The following JAG2 variants were observed in gnomAD, a reference collection of about 807,000 sequenced individuals.
The protein encoded by JAG2 is protein jagged-2.
A neutral mutation model predicts 141.7 loss-of-function variants in JAG2; 46 were observed. The observed-to-expected ratio is 0.32, with a 90% CI of 0.26 to 0.42. JAG2 has a LOEUF of 0.42. Among genes scored for constraint, JAG2 ranks in the 10% least tolerant of loss-of-function variants. The pLI is 1.00. For synonymous variants in JAG2, 862 were observed against 763.5 expected, an observed-to-expected ratio of 1.13 and a Z score of -2.13; for missense variants, 1,500 against 1,817.5, an observed-to-expected ratio of 0.83 and a Z score of 3.18.
At position 105,147,503 on chromosome 14, in the gene JAG2, G is replaced by A. The variant is rs1334001012; in HGVS notation, c.2390C>T (p.Pro797Leu). ...TGGCCCCCAGGGTGCCACTCACCAA[G>A]GCAGAGGGTTGCAGTCGTTGGTATC... ...THNTNDCNPL[P>L]CYNGGICVDG... The change falls in exon 19 of 26, where the codon CCT becomes CTT. Residue 797 changes from proline to leucine, a missense_variant. Pro to Leu is a moderately conservative substitution (Grantham distance 98, BLOSUM62 -3). Around this residue, in one of 3 missense-constraint regions of JAG2, gnomAD observed 875 missense variants for 1,202.2 expected, o/e 0.73. Coordinates refer to ENST00000331782, the MANE Select transcript of JAG2 (RefSeq NM_002226.5). 1 of 1,612,080 alleles carries A rather than the reference G, an allele frequency of 6.2e-7. No homozygotes were observed. The highest frequency in any genetic ancestry group is 2.2e-5 in the East Asian group (1 of 44,898).
At chr14:105,165,366 G>C (rs1888877991) in intron 2 of JAG2, among the ~76,000 whole-genome samples, 1 of 152,230 alleles carries the variant, frequency 6.6e-6, no homozygotes, top group Non-Finnish European at 1.5e-5. Context: ...GCAGCTGGGA[G>C]AATGTGGCCT....
At chr14:105,157,857 G>A (rs587691329) in intron 2 of JAG2, 94 bp from the exon 3 acceptor site, 2 of 1,156,312 alleles carry the variant, frequency 1.7e-6, no homozygotes, top group African/African-American at 1.5e-5. Context: ...CGCTGCCCCT[G>A]GGTCTGCCAG....
rs587647951 is a variant in JAG2 at position 105,142,898 on chromosome 14, C to A, written c.3514G>T (p.Ala1172Ser). Residue 1172 changes from alanine (A) to serine (S), a missense_variant, in exon 26 of 26, where the codon GCG (alanine) becomes TCG (serine). Physicochemically the swap from Ala to Ser is moderately conservative, Grantham distance 99. Transcript: ENST00000331782. ...DEALPGPAGH[A>S]AVREDEEDED... The stretch of plus-strand genomic sequence containing the variant: ...TCCTCCTCATCCTCCCTGACGGCCG[C>A]GTGGCCGGCCGGCCCGGGCAGCGCC... The A allele has an allele frequency of 3.1e-6, 5 of 1,600,686 alleles. No homozygotes were observed. Among genetic ancestry groups the A allele is most frequent in the African/African-American group, 2.7e-5 (2 of 74,800 alleles).
intron 3 of JAG2, among the ~76,000 whole-genome samples, chr14:105,156,876 G>A (rs1392010716): frequency 6.6e-6 from 1 of 151,954 alleles, no homozygotes; most frequent in African/African-American, 2.4e-5. Flanking sequence ...GCCCTGAGCC[G>A]CTGGGGTCCC....
rs771736318 is a variant in JAG2, at chr14:105,147,345, C to G, written c.2460G>C (p.Ala820=). 13 of 1,564,958 alleles carry G rather than the reference C, an allele frequency of 8.3e-6. No individual in the cohort carries two copies. The highest frequency in any genetic ancestry group is 1.0e-5 in the Non-Finnish European group (12 of 1,155,232). Residue 820 remains alanine, a synonymous_variant, in exon 20 of 26, where the codon GCG becomes GCC. Coordinates refer to ENST00000331782, the MANE Select transcript of JAG2 (RefSeq NM_002226.5). Reference sequence around the variant, plus strand: ...ACTCACTGATGCGGCAGTCAGGCCCCGCGAAGCCAGGTGCACACTCGCAGC... The same window carrying G: ...ACTCACTGATGCGGCAGTCAGGCCCGGCGAAGCCAGGTGCACACTCGCAGC... The part of the protein sequence containing the change: ...WFRCECAPGF[A]GPDCRINIDE...
Position 105,143,019 on chromosome 14 carries a change from G to C in JAG2, c.3393C>G (p.Leu1131=). The C allele has an allele frequency of 6.2e-7, 1 of 1,606,416 alleles. No homozygotes were observed. Among genetic ancestry groups the C allele is most frequent in the Non-Finnish European group, 8.5e-7 (1 of 1,179,656 alleles). Residue 1131 remains leucine (L), a synonymous_variant, in exon 26 of 26, where the codon CTC becomes CTG. Coordinates refer to ENST00000331782, the MANE Select transcript of JAG2 (RefSeq NM_002226.5). ...EESANNQWAP[L]NPIRNPIERP... is the part of the protein sequence containing the mutation. Reference sequence around the variant, plus strand: ...GCTCAATGGGGTTGCGGATGGGGTTGAGCGGGGCCCACTGGTTGTTGGCGC... The same window carrying C: ...GCTCAATGGGGTTGCGGATGGGGTTCAGCGGGGCCCACTGGTTGTTGGCGC...
chr14:105,163,503 C>G (rs1434265858), intron 2 of JAG2, among the ~76,000 whole-genome samples: 2 of 152,230 alleles, frequency 1.3e-5, no homozygotes, highest in Non-Finnish European at 2.9e-5. Flanking sequence ...CAACTGATGC[C>G]AGCCACACCC....
Position 105,142,578 on chromosome 14 carries a change from T to C in JAG2, c.*117A>G. The C allele has an allele frequency of 1.4e-6, 1 of 719,328 alleles. No individual in the cohort carries two copies. Among genetic ancestry groups the C allele is most frequent in the South Asian group, 1.8e-5 (1 of 55,232 alleles). The allele number at this position is 719,328 out of a possible 1,614,324, so 44.6% of individuals were successfully genotyped here. A position where few individuals can be genotyped will look rare whatever the true frequency, so the allele number is the denominator to read the frequency against. On this transcript the variant is annotated 3_prime_UTR_variant, in exon 26 of 26. Coordinates refer to ENST00000331782, the MANE Select transcript of JAG2 (RefSeq NM_002226.5). Reference sequence around the variant, plus strand: ...GAAAATAAACATTTGGTTTTTGTTTTTGGTGGTTTTTTTACACAAAATAAA... The same window carrying C: ...GAAAATAAACATTTGGTTTTTGTTTCTGGTGGTTTTTTTACACAAAATAAA...
Position 105,146,709 on chromosome 14 carries a change from T to C in JAG2, c.2495A>G (p.Gln832Arg), listed in dbSNP as rs766900929. The part of the protein sequence containing the change: ...PDCRINIDEC[Q>R]SSPCAYGATC... ...GGCCCCGTAGGCACAGGGCGAGGAC[T>C]GGCACTCGTCGATGTCTGCAGGGAG... Residue 832 changes from glutamine to arginine, a missense_variant, in exon 21 of 26, where the codon CAG (glutamine) becomes CGG (arginine). Physicochemically the swap from Gln to Arg is conservative, Grantham distance 43 (BLOSUM62 1). Coordinates refer to ENST00000331782, the MANE Select transcript of JAG2 (RefSeq NM_002226.5). The C allele has an allele frequency of 8.1e-6, 13 of 1,612,296 alleles. No homozygotes were observed. In the African/African-American group the frequency reaches 1.6e-4, roughly 20 times the overall value.
chr14:105,145,152 C>T, intron 23 of JAG2, 91 bp from the exon 24 acceptor site: 2 of 1,537,676 alleles, frequency 1.3e-6, no homozygotes, highest in African/African-American at 1.4e-5. Context: ...ACGTGGGACA[C>T]ACCCTACAGC....
Position 105,146,467 on chromosome 14 carries a change from C to G in JAG2, c.2627G>C (p.Gly876Ala). 6.2e-7 allele frequency: 1 copy of G among 1,612,782 alleles called. No individual in the cohort carries two copies. Among genetic ancestry groups the G allele is most frequent in the Non-Finnish European group, 8.5e-7 (1 of 1,179,904 alleles). ...IGFGRSCWSR[G>A]TPFPHGSSWV... ...GGAGCTTCCGTGTGGGAACGGAGTGCCCCGGGACCAGCAGGATCTCCCGAA... is the reference window on the plus strand; with the variant it reads ...GGAGCTTCCGTGTGGGAACGGAGTGGCCCGGGACCAGCAGGATCTCCCGAA... Residue 876 changes from glycine (G) to alanine (A), a missense_variant, in exon 22 of 26, where the codon GGC (glycine) becomes GCC (alanine). Physicochemically the swap from Gly to Ala is moderately conservative, Grantham distance 60. Around this residue, in one of 3 missense-constraint regions of JAG2, gnomAD observed 875 missense variants for 1,202.2 expected, o/e 0.73. Transcript: ENST00000331782.
chr14:105,147,939 C>T (rs866803115), intron 17 of JAG2, 51 bp from the exon 18 acceptor site: 1 of 1,431,986 alleles, frequency 7.0e-7, no homozygotes, highest in South Asian at 1.2e-5. Context: ...TGGGCTGGCC[C>T]TGGGTCTCCA....
In JAG2 at chr14:105,142,872, GTCC is replaced by G. The variant is rs773270984; in HGVS notation, c.3537_3539del (p.Glu1179del). 1.2e-6 allele frequency: 2 copies of G among 1,606,516 alleles called. No individual in the cohort carries two copies. Among genetic ancestry groups the G allele is most frequent in the Non-Finnish European group, 8.5e-7 (1 of 1,176,924 alleles). Reference sequence around the variant, plus strand: ...CCTCCTCACCGCGGCCCAGATCCTCGTCCTCCTCATCCTCCCTGACGGCCGCGT... The same window carrying G: ...CCTCCTCACCGCGGCCCAGATCCTCGTCCTCATCCTCCCTGACGGCCGCGT... On this transcript the variant is annotated inframe_deletion, in exon 26 of 26. Coordinates refer to ENST00000331782, the MANE Select transcript of JAG2 (RefSeq NM_002226.5).
Position 105,150,988 on chromosome 14 carries a change from G to T in JAG2, c.1381+3C>A. The T allele has an allele frequency of 6.2e-7, 1 of 1,611,630 alleles. No homozygotes were observed. The highest frequency in any genetic ancestry group is 1.1e-5 in the South Asian group (1 of 90,716). Reference sequence around the variant, plus strand: ...CCCGCCGGCGCCCACCCCCCATACTGACTGATATGGCAGTTGATGCCCTTC... The same window carrying T: ...CCCGCCGGCGCCCACCCCCCATACTTACTGATATGGCAGTTGATGCCCTTC... On this transcript the variant is annotated splice_donor_region_variant and intron_variant, in intron 10 of 25. Transcript: ENST00000331782.
chr14:105,166,974 CA>C (rs1888931459), intron 2 of JAG2, among the ~76,000 whole-genome samples: 1 of 152,152 alleles, frequency 6.6e-6, no homozygotes, highest in Non-Finnish European at 1.5e-5. Flanking sequence ...GCCCACCTAC[CA>C]CTACCCACCT....
chr14:105,151,867 G>A, intron 7 of JAG2, 71 bp downstream of exon 7: 1 of 1,610,378 alleles, frequency 6.2e-7, no homozygotes, highest in African/African-American at 1.3e-5. Context: ...CCAGAGGGAT[G>A]GGGCCTGACC....
In JAG2 at chr14:105,159,770, A is replaced by C. The variant is rs148384669; in HGVS notation, c.418-2007T>G. Among the ~76,000 whole-genome samples the C allele has an allele frequency of 7.5e-3, 291 of 38,746 alleles. 10 individuals carry two copies. Among genetic ancestry groups the C allele is most frequent in the African/African-American group, 0.034 (259 of 7,542 alleles). The allele number at this position is 38,746 out of a possible 152,430, so 25.4% of individuals were successfully genotyped here. On this transcript the variant is annotated intron_variant, in intron 2 of 25. Coordinates refer to ENST00000331782, the MANE Select transcript of JAG2 (RefSeq NM_002226.5). ...CCCAGGGCTCCATCCACACCCCCCC[A>C]GAGTTCCATCCACACACCCCAACAT...
At position 105,150,753 on chromosome 14, in the gene JAG2, C is replaced by T; in HGVS notation, c.1453G>A (p.Val485Met). The T allele has an allele frequency of 6.3e-6, 10 of 1,587,642 alleles. No individual in the cohort carries two copies. Among genetic ancestry groups the T allele is most frequent in the Non-Finnish European group, 6.0e-6 (7 of 1,167,556 alleles). ...CKDLVNGYQC[V>M]CPRGFGGRHC... ...CGGCCTCCGAAGCCCCGTGGGCACA[C>T]ACACTGGTACCCGTTCACCAGGTCC... Residue 485 changes from valine to methionine, a missense_variant, in exon 12 of 26, where the codon GTG (valine) becomes ATG (methionine). Val to Met is a conservative substitution (Grantham distance 21, BLOSUM62 1). Coordinates refer to ENST00000331782, the MANE Select transcript of JAG2 (RefSeq NM_002226.5).
chr14:105,152,896 A>G (rs2140981922), intron 5 of JAG2, among the ~76,000 whole-genome samples: 1 of 152,158 alleles, frequency 6.6e-6, no homozygotes, highest in East Asian at 1.9e-4. Context: ...CTGCACCCCC[A>G]GCTGCACCCC....
Sources: gnomAD v4.1 joint callset for allele counts (sites outside exome capture counted in the v4.1 genomes callset) on GRCh38, gnomAD v4.1.1 for gene constraint, gnomAD v4.1.1 regional missense constraint, MANE v1.5 for transcripts, NCBI Gene and HGNC (gene_info 2026-07-23, HGNC 2026-07-21) for gene names.